Variants in HRH2 observed in about 807,000 individuals in gnomAD.
HRH2 encodes the protein histamine receptor H2.
A neutral mutation model predicts 20.1 loss-of-function variants in HRH2; 4 were observed. The observed-to-expected ratio is 0.20, with a 90% CI of 0.10 to 0.45. The LOEUF is 0.45. HRH2 is among the 20% of genes least tolerant of loss of function. HRH2 has a pLI of 0.99. For missense variants in HRH2, 250 were observed against 461.6 expected, an observed-to-expected ratio of 0.54 and a Z score of 4.20; for synonymous variants, 197 against 200.7, an observed-to-expected ratio of 0.98 and a Z score of 0.16.
chr5:175,659,761 A>G (rs189612927), intron 1 of HRH2, among the ~76,000 whole-genome samples: 43 of 152,330 alleles, frequency 2.8e-4, no homozygotes, highest in African/African-American at 7.7e-4. Flanking sequence ...CGCGATCAGC[A>G]CTGGCTTCTT....
chr5:175,685,449 A>G (rs1213407934), intron 2 of HRH2: 1 of 1,551,720 alleles, frequency 6.4e-7, no homozygotes, highest in Admixed American at 2.0e-5. Context: ...TGTGGAACTG[A>G]CCCATTCATT....
intron 2 of HRH2, among the ~76,000 whole-genome samples, chr5:175,691,685 C>A (rs1756388531): frequency 6.6e-6 from 1 of 151,746 alleles, no homozygotes; most frequent in African/African-American, 2.4e-5. Flanking sequence ...GAGTTTGAGA[C>A]CACCCTGGCC....
rs7734193 is a variant in HRH2 at position 175,685,742 on chromosome 5, A to G, written c.1076+1433A>G. ...CCCTCCAGAGTTGCCTGAAGCTCAC[A>G]TGAGCGAAGGGACATGAACATGCTC... is the stretch of plus-strand genomic sequence containing the variant. On this transcript the variant is annotated intron_variant, in intron 2 of 2. Coordinates refer to ENST00000636584, the MANE Select transcript of HRH2 (RefSeq NM_001367711.1). 4.0e-3 allele frequency: 2,248 copies of G among 562,484 alleles called. 40 individuals are homozygous for G. The highest frequency in any genetic ancestry group is 0.037 in the African/African-American group (1,964 of 52,976). The allele number at this position is 562,484 out of a possible 1,614,324, so 34.8% of individuals were successfully genotyped here.
Position 175,677,757 on chromosome 5 carries a change from G to A in HRH2, c.-525-4952G>A, listed in dbSNP as rs1755807880. Among the ~76,000 whole-genome samples, 1 of 152,184 alleles carries A rather than the reference G, an allele frequency of 6.6e-6. No individual in the cohort carries two copies. The highest frequency in any genetic ancestry group is 1.5e-5 in the Non-Finnish European group (1 of 68,026). On this transcript the variant is annotated intron_variant, in intron 1 of 2. Transcript: ENST00000636584. The surrounding 1 kb of genome is among the most constrained non-coding windows in gnomAD (Gnocchi z 4.2). ...ATAGCTCATGAGAATGAGGAACTGG[G>A]CGGTGCCGGGCAGCCACCTGCTCCG...
intron 1 of HRH2, among the ~76,000 whole-genome samples, chr5:175,678,805 T>C (rs1755852724): frequency 6.6e-6 from 1 of 152,222 alleles, no homozygotes; most frequent in Non-Finnish European, 1.5e-5. Context: ...TTGTGTGCAA[T>C]TGCCAGGCTC....
chr5:175,658,409 A>G (rs547947495), intron 1 of HRH2, among the ~76,000 whole-genome samples: 2 of 152,140 alleles, frequency 1.3e-5, no homozygotes, highest in Admixed American at 6.5e-5. Context: ...GCCTTCCCCA[A>G]GGGGGCGTTG....
chr5:175,699,907 G>A (rs1756741890), intron 2 of HRH2, among the ~76,000 whole-genome samples: 1 of 152,224 alleles, frequency 6.6e-6, no homozygotes, highest in Non-Finnish European at 1.5e-5. Context: ...TACAAAGGAG[G>A]AGAAAGAGAA....
At chr5:175,678,656 G>T (rs531531790) in intron 1 of HRH2, among the ~76,000 whole-genome samples, 63 of 152,356 alleles carry the variant, frequency 4.1e-4, no homozygotes, top group Non-Finnish European at 2.4e-4. Context: ...CAGAAGGGGC[G>T]TCGGGCACAG....
intron 1 of HRH2, among the ~76,000 whole-genome samples, chr5:175,672,966 G>A (rs780826308): frequency 2.0e-5 from 3 of 151,820 alleles, no homozygotes; most frequent in Non-Finnish European, 4.4e-5. Flanking sequence ...AGCAAGGTTA[G>A]GGGGGCCAGT....
Position 175,687,783 on chromosome 5 carries a change from C to A in HRH2, c.1076+3474C>A, listed in dbSNP as rs1268467336. ...ACAGTGAGCTCCCTAAATTATGAATCTCAGTGTAGTGCCCCTGCTCAGGAC... is the reference window on the plus strand; with the variant it reads ...ACAGTGAGCTCCCTAAATTATGAATATCAGTGTAGTGCCCCTGCTCAGGAC... On this transcript the variant is annotated intron_variant, in intron 2 of 2. Coordinates refer to ENST00000636584, the MANE Select transcript of HRH2 (RefSeq NM_001367711.1). The surrounding 1 kb of genome is among the most constrained non-coding windows in gnomAD (Gnocchi z 5.2). Among the ~76,000 whole-genome samples the A allele has an allele frequency of 6.6e-6, 1 of 152,190 alleles. No individual in the cohort carries two copies. Among genetic ancestry groups the A allele is most frequent in the Non-Finnish European group, 1.5e-5 (1 of 68,040 alleles).
chr5:175,679,156 A>G (rs1755867674), intron 1 of HRH2, among the ~76,000 whole-genome samples: 1 of 152,192 alleles, frequency 6.6e-6, no homozygotes, highest in Non-Finnish European at 1.5e-5. Flanking sequence ...GAAGGATAGA[A>G]GAGAAAAGTG....
chr5:175,708,185 G>T lies in HRH2; in HGVS notation c.*214G>T. The T allele has an allele frequency of 2.6e-6, 1 of 378,604 alleles. No individual in the cohort carries two copies. The highest frequency in any genetic ancestry group is 4.7e-6 in the Non-Finnish European group (1 of 213,818). 23.5% of individuals were successfully genotyped at this position (378,604 alleles called of 1,614,324 possible). On this transcript the variant is annotated 3_prime_UTR_variant, in exon 3 of 3. Coordinates refer to ENST00000636584, the MANE Select transcript of HRH2 (RefSeq NM_001367711.1). ...CCAGACAGGCACGCAAGACTCCTCT[G>T]GGCCCGAGTGGGCTGAATCCCATGG...
intron 2 of HRH2, among the ~76,000 whole-genome samples, chr5:175,692,407 G>C (rs999683132): frequency 2.6e-5 from 4 of 152,238 alleles, no homozygotes; most frequent in Admixed American, 1.3e-4. Flanking sequence ...TGGCGTGGGG[G>C]AAGAAATGTG....
At chr5:175,684,493 C>T (rs973026412) in intron 2 of HRH2, 184 bp downstream of exon 2, 1 of 381,488 alleles carries the variant, frequency 2.6e-6, no homozygotes, top group Non-Finnish European at 3.6e-6. Context: ...AACTTAGCTC[C>T]CTTTTAAAAG....
At chr5:175,685,665 A>T (rs1302340249) in intron 2 of HRH2, 1 of 633,900 alleles carries the variant, frequency 1.6e-6, no homozygotes, top group African/African-American at 1.8e-5. Context: ...CTCAGGCCTC[A>T]GTTTCCTCAT....
At chr5:175,695,777 C>T (rs79190179) in intron 2 of HRH2, among the ~76,000 whole-genome samples, 1,768 of 152,048 alleles carry the variant, frequency 0.012, 37 homozygotes, top group African/African-American at 0.039. Flanking sequence ...GAAGGGGCCA[C>T]CAGCATTTAA....
In HRH2 at chr5:175,683,515, C is replaced by T. The variant is rs764066934; in HGVS notation, c.282C>T (p.Tyr94=). The part of the protein sequence containing the change: ...WSFGKVFCNI[Y]TSLDVMLCTA... The stretch of plus-strand genomic sequence containing the variant: ...TTGGCAAGGTCTTCTGCAATATCTA[C>T]ACCAGCCTGGATGTGATGCTCTGCA... Residue 94 remains tyrosine (Y), a synonymous_variant, in exon 2 of 3, where the codon TAC becomes TAT. Transcript: ENST00000636584. The T allele has an allele frequency of 2.5e-6, 4 of 1,614,226 alleles. No homozygotes were observed. The East Asian group carries it at 6.7e-5, about 27-fold the overall frequency.
At chr5:175,660,088 T>A (rs1053340012) in intron 1 of HRH2, among the ~76,000 whole-genome samples, 3 of 152,176 alleles carry the variant, frequency 2.0e-5, no homozygotes, top group Admixed American at 1.3e-4. Flanking sequence ...TCCCAGGCGA[T>A]GCGTCCGTGG....
In HRH2 at chr5:175,683,100, A is replaced by AAAAC; in HGVS notation, c.-131_-130insCAAA. On this transcript the variant is annotated 5_prime_UTR_variant, in exon 2 of 3. Coordinates refer to ENST00000636584, the MANE Select transcript of HRH2 (RefSeq NM_001367711.1). ...TTCCCCACCCCCTGGCCAAAAAAAA[A>AAAAC]AAAAAAAAAAAACTGGACACATTTT... 1 of 1,234,324 alleles carries AAAAC rather than the reference A, an allele frequency of 8.1e-7. No individual in the cohort carries two copies. The highest frequency in any genetic ancestry group is 1.1e-6 in the Non-Finnish European group (1 of 903,194). The allele number at this position is 1,234,324 out of a possible 1,614,324, so 76.5% of individuals were successfully genotyped here.
Sources: allele counts gnomAD v4.1 joint callset (sites outside exome capture counted in the v4.1 genomes callset), GRCh38; gene constraint gnomAD v4.1.1; non-coding constraint Gnocchi (gnomAD v3.1); transcripts MANE v1.5; gene names NCBI Gene and HGNC (gene_info 2026-07-23, HGNC 2026-07-21).